The following ZNF799 variants were observed in gnomAD, a reference collection of about 807,000 sequenced individuals.
The protein encoded by ZNF799 is zinc finger protein 799.
In ZNF799, 28 loss-of-function variants were observed where a neutral mutation model predicts 41.0. The observed-to-expected ratio is 0.68, with a 90% CI of 0.51 to 0.94. ZNF799 has a LOEUF of 0.94. Among genes scored for constraint, ZNF799 ranks in the 40% least tolerant of loss-of-function variants. ZNF799 has a pLI of 0.00. For synonymous variants in ZNF799, 213 were observed against 252.9 expected (o/e 0.84, Z 1.50); for missense variants, 716 against 764.3 (o/e 0.94, Z 0.74).
intron 1 of ZNF799, chr19:12,400,284 T>G (rs1230459405): frequency 6.6e-6 from 1 of 152,216 alleles, no homozygotes; most frequent in Non-Finnish European, 1.5e-5. Flanking sequence ...CGAGTCTGGA[T>G]TCCACCTGGT....
the ZNF799 span, among the ~76,000 whole-genome samples, chr19:12,413,583 A>C: frequency 6.6e-6 from 1 of 152,234 alleles, no homozygotes; most frequent in African/African-American, 2.4e-5. Context: ...ATAAAAGATA[A>C]GTCTTTGTAA....
At chr19:12,396,249 C>T (rs375561286) in intron 1 of ZNF799, among the ~76,000 whole-genome samples, 15 of 152,182 alleles carry the variant, frequency 9.9e-5, no homozygotes, top group Non-Finnish European at 1.5e-4. Context: ...TGAATAAAAA[C>T]GTTAAAACAA....
upstream of ZNF799, among the ~76,000 whole-genome samples, chr19:12,403,932 G>A (rs1247276164): frequency 6.6e-6 from 1 of 152,022 alleles, no homozygotes; most frequent in African/African-American, 2.4e-5. Context: ...TATTCCATAG[G>A]TTTTGGTATG....
the ZNF799 span, among the ~76,000 whole-genome samples, chr19:12,410,129 C>A: frequency 5.9e-5 from 9 of 151,764 alleles, no homozygotes; most frequent in African/African-American, 1.7e-4. Context: ...CCCTGGGCAA[C>A]AGAGTGAGAC....
chr19:12,411,633 G>C, the ZNF799 span, among the ~76,000 whole-genome samples: 2 of 151,264 alleles, frequency 1.3e-5, no homozygotes, highest in Non-Finnish European at 2.9e-5. Context: ...TTTTGAGGCA[G>C]ACTCTCACTC....
the ZNF799 span, among the ~76,000 whole-genome samples, chr19:12,410,765 T>A: frequency 1.8e-4 from 27 of 152,116 alleles, no homozygotes; most frequent in African/African-American, 6.5e-4. Flanking sequence ...CCTATGCACA[T>A]TAAAGTGACC....
rs371994538 is a variant in ZNF799, at chr19:12,397,652, T to A, written c.3+3416A>T. 7.9e-3 allele frequency among the ~76,000 whole-genome samples: 1,175 copies of A among 147,904 alleles called. 16 individuals are homozygous for A. The highest frequency in any genetic ancestry group is 0.028 in the African/African-American group (1,109 of 40,220). On this transcript the variant is annotated intron_variant, in intron 1 of 3. Transcript: ENST00000430385. ...TAGAAGAAAATACAATCATATAGAC[T>A]CCTCAGTTAAAATAAAAGGAGACAG...
chr19:12,396,299 AC>A (rs1969892875), intron 1 of ZNF799, among the ~76,000 whole-genome samples: 1 of 152,284 alleles, frequency 6.6e-6, no homozygotes. Flanking sequence ...GCAATGATGA[AC>A]AAATAACTAA....
chr19:12,394,620 A>G, intron 1 of ZNF799: 1 of 985,394 alleles, frequency 1.0e-6, no homozygotes, highest in South Asian at 4.7e-5. Context: ...ACACCACCTC[A>G]AAGGAAAAAT....
the ZNF799 span, among the ~76,000 whole-genome samples, chr19:12,406,479 G>A: frequency 3.2e-4 from 46 of 145,912 alleles, no homozygotes; most frequent in African/African-American, 1.1e-3. Context: ...GTGAGACTCC[G>A]TCTCAAAAAA....
Position 12,394,810 on chromosome 19 carries a change from T to TA in ZNF799, c.4-1388dup, listed in dbSNP as rs1260716863. The TA allele has an allele frequency of 7.8e-5, 77 of 985,328 alleles. 1 individual carries two copies. In the South Asian group the frequency reaches 2.1e-3, roughly 27 times the overall value. 61.0% of individuals were successfully genotyped at this position (985,328 alleles called of 1,614,324 possible). A position where few individuals can be genotyped will look rare whatever the true frequency, so the allele number is the denominator to read the frequency against. ...CAAATCTAATAGAACTCACAGTATC[T>TA]AAAAAATGCTGAAAGCCTTCTCACC... On this transcript the variant is annotated intron_variant, in intron 1 of 3. Coordinates refer to ENST00000430385, the MANE Select transcript of ZNF799 (RefSeq NM_001080821.3).
chr19:12,409,605 C>A, the ZNF799 span, among the ~76,000 whole-genome samples: 3 of 152,172 alleles, frequency 2.0e-5, no homozygotes, highest in Admixed American at 6.5e-5. Flanking sequence ...ACATTCTTCT[C>A]CAAACTACAT....
At chr19:12,412,228 G>A in the ZNF799 span, among the ~76,000 whole-genome samples, 3 of 152,138 alleles carry the variant, frequency 2.0e-5, no homozygotes, top group African/African-American at 7.2e-5. Flanking sequence ...AGAGAAGCCT[G>A]GTTGGGTAAC....
upstream of ZNF799, among the ~76,000 whole-genome samples, chr19:12,403,715 G>A (rs1448970507): frequency 6.6e-6 from 1 of 152,008 alleles, no homozygotes; most frequent in African/African-American, 2.4e-5. Flanking sequence ...ACCATGTCTG[G>A]TTAATTTTTT....
chr19:12,397,768 A>T (rs1253794384), intron 1 of ZNF799, among the ~76,000 whole-genome samples: 1 of 152,180 alleles, frequency 6.6e-6, no homozygotes. Context: ...TAACCACTTT[A>T]AATGTGTATT....
upstream of ZNF799, among the ~76,000 whole-genome samples, chr19:12,406,168 CA>C (rs940819306): frequency 0.23 from 13,642 of 58,754 alleles, 737 homozygotes; most frequent in African/African-American, 0.41. Context: ...GACTCTGTCT[CA>C]AAAAAAAAAA....
chr19:12,409,108 A>G, the ZNF799 span, among the ~76,000 whole-genome samples: 4 of 152,008 alleles, frequency 2.6e-5, no homozygotes, highest in Non-Finnish European at 4.4e-5. Context: ...TGTGGAAGAC[A>G]ATTTTCCCAT....
chr19:12,408,048 C>T, the ZNF799 span, among the ~76,000 whole-genome samples: 10 of 151,928 alleles, frequency 6.6e-5, no homozygotes, highest in South Asian at 4.2e-4. Flanking sequence ...CACAGCTACT[C>T]GGGAGGCTGA....
Position 12,392,042 on chromosome 19 carries a change from T to G in ZNF799, c.356A>C (p.Asn119Thr), listed in dbSNP as rs1157383262. ...CCCAGCACCAACTCTGATGTAACAA[T>G]TAAGGGATGAATGACCCATGATGAC... ...GEVIMGHSSL[N>T]CYIRVGAGHK... The change falls in exon 4 of 4, where the codon AAT becomes ACT. Residue 119 changes from asparagine to threonine, a missense_variant. Physicochemically the swap from Asn to Thr is moderately conservative, Grantham distance 65. This residue lies in a region of ZNF799 where 698 missense variants were observed against 713.6 expected (regional missense o/e 0.98). Coordinates refer to ENST00000430385, the MANE Select transcript of ZNF799 (RefSeq NM_001080821.3). 6.2e-6 allele frequency: 10 copies of G among 1,614,108 alleles called. No homozygotes were observed. Among genetic ancestry groups the G allele is most frequent in the Non-Finnish European group, 3.4e-6 (4 of 1,180,034 alleles).
Sources: gnomAD v4.1 joint callset for allele counts (sites outside exome capture counted in the v4.1 genomes callset) on GRCh38, gnomAD v4.1.1 for gene constraint, gnomAD v4.1.1 regional missense constraint, MANE v1.5 for transcripts, NCBI Gene and HGNC (gene_info 2026-07-23, HGNC 2026-07-21) for gene names.